The following CDH12 variants were observed in gnomAD, a reference collection of about 807,000 sequenced individuals.
The protein encoded by CDH12 is cadherin 12.
Under a neutral mutation model 74.1 loss-of-function variants are expected in CDH12, and 41 were observed. The ratio of observed to expected loss-of-function variants is 0.55; its 90% CI spans 0.43 to 0.72. The LOEUF (loss-of-function observed/expected upper bound fraction) is 0.72. CDH12 is among the 30% of genes least tolerant of loss of function. CDH12 has a pLI of 0.00. For missense variants in CDH12, 945 were observed against 977.2 expected (o/e 0.97, Z 0.44); for synonymous variants, 399 against 355.0 (o/e 1.12, Z -1.39).
intron 3 of CDH12, among the ~76,000 whole-genome samples, chr5:22,253,646 T>C (rs2150388983): frequency 6.6e-6 from 1 of 151,990 alleles, no homozygotes; most frequent in East Asian, 1.9e-4. Flanking sequence ...CAACATTCTC[T>C]TTCAATCTAG....
chr5:22,086,603 C>A (rs769170145), intron 4 of CDH12, among the ~76,000 whole-genome samples: 1 of 151,980 alleles, frequency 6.6e-6, no homozygotes, highest in Non-Finnish European at 1.5e-5. Context: ...GTGATCCACC[C>A]GCCTTGGCCT....
At chr5:21,909,550 C>A in intron 6 of CDH12, among the ~76,000 whole-genome samples, 1 of 152,122 alleles carries the variant, frequency 6.6e-6, no homozygotes, top group Non-Finnish European at 1.5e-5. Context: ...CTGGTTCTCA[C>A]AACTCCGAAT....
intron 1 of CDH12, among the ~76,000 whole-genome samples, chr5:22,650,239 G>C (rs1277259605): frequency 6.6e-6 from 1 of 151,942 alleles, no homozygotes; most frequent in East Asian, 1.9e-4. Flanking sequence ...AAATCTTTGG[G>C]AAGATGCACA....
At chr5:22,296,552 T>C (rs1737631204) in intron 3 of CDH12, among the ~76,000 whole-genome samples, 1 of 152,162 alleles carries the variant, frequency 6.6e-6, no homozygotes, top group South Asian at 2.1e-4. Context: ...TCTCCCATAA[T>C]TAAGATCTAA....
chr5:22,489,989 A>G (rs1580701272), intron 2 of CDH12, among the ~76,000 whole-genome samples: 2 of 152,254 alleles, frequency 1.3e-5, no homozygotes, highest in Non-Finnish European at 2.9e-5. Context: ...TGTCTTGGAA[A>G]TGTATGACAA....
chr5:22,850,306 C>T (rs905800964), intron 1 of CDH12, among the ~76,000 whole-genome samples: 2 of 151,956 alleles, frequency 1.3e-5, no homozygotes, highest in Admixed American at 1.3e-4. Flanking sequence ...ATATATTACC[C>T]TCCTAGCATA....
Position 22,000,482 on chromosome 5 carries a change from C to T in CDH12, c.232-25097G>A, listed in dbSNP as rs1364664325. Among the ~76,000 whole-genome samples, 3 of 152,092 alleles carry T rather than the reference C, an allele frequency of 2.0e-5. No homozygotes were observed. The East Asian group carries it at 5.8e-4, about 29-fold the overall frequency. The stretch of plus-strand genomic sequence containing the variant: ...CAGGAGGACTCAACTTTGGTGAACA[C>T]TTTATCTAGTTAATTCAACAAATAA... On this transcript the variant is annotated intron_variant, in intron 5 of 14. Transcript: ENST00000382254.
intron 1 of CDH12, among the ~76,000 whole-genome samples, chr5:22,815,467 T>A (rs1749341400): frequency 6.6e-6 from 1 of 151,794 alleles, no homozygotes; most frequent in Non-Finnish European, 1.5e-5. Context: ...AATGGAGAGA[T>A]CTATAGAAAT....
intron 10 of CDH12, 66 bp downstream of exon 10, chr5:21,802,101 C>T: frequency 6.9e-7 from 1 of 1,445,268 alleles, no homozygotes; most frequent in African/African-American, 1.4e-5. Context: ...AATTGGTTCT[C>T]TGGTTTTTGT....
chr5:22,145,977 T>C (rs1200731866), intron 4 of CDH12, among the ~76,000 whole-genome samples: 1 of 152,060 alleles, frequency 6.6e-6, no homozygotes, highest in Non-Finnish European at 1.5e-5. Flanking sequence ...TACAAAGCAA[T>C]GCATATCATT....
intron 4 of CDH12, among the ~76,000 whole-genome samples, chr5:22,112,134 T>C (rs1744850506): frequency 6.6e-6 from 1 of 152,066 alleles, no homozygotes; most frequent in Non-Finnish European, 1.5e-5. Context: ...TAAAAGTATA[T>C]AGCAAATCAA....
chr5:21,959,929 A>AAAT (rs1296839875), intron 6 of CDH12, among the ~76,000 whole-genome samples: 3 of 143,088 alleles, frequency 2.1e-5, no homozygotes, highest in Admixed American at 1.4e-4. Context: ...CATCTCAAAA[A>AAAT]AAAAAAAAAA....
chr5:22,270,369 G>T (rs960757043), intron 3 of CDH12, among the ~76,000 whole-genome samples: 2 of 152,034 alleles, frequency 1.3e-5, no homozygotes, highest in African/African-American at 4.8e-5. Context: ...GCTGAGGTGG[G>T]CGGATCATGA....
chr5:22,181,946 C>A (rs1356775971), intron 4 of CDH12, among the ~76,000 whole-genome samples: 1 of 152,156 alleles, frequency 6.6e-6, no homozygotes, highest in Non-Finnish European at 1.5e-5. Context: ...TCTTTATATC[C>A]CAGGCTATCT....
chr5:21,906,707 T>C (rs933203349), intron 6 of CDH12, among the ~76,000 whole-genome samples: 5 of 152,230 alleles, frequency 3.3e-5, no homozygotes, highest in South Asian at 2.1e-4. Flanking sequence ...AGTCTGTAGA[T>C]ACATCCAGCC....
At chr5:22,133,581 C>T (rs1036394836) in intron 4 of CDH12, among the ~76,000 whole-genome samples, 11 of 151,966 alleles carry the variant, frequency 7.2e-5, no homozygotes, top group Non-Finnish European at 1.0e-4. Context: ...AAATTTTTAC[C>T]AGTAAGTTCT....
rs556051551 is a variant in CDH12, at chr5:22,482,506, T to G, written c.-428+22764A>C. 5.9e-5 allele frequency among the ~76,000 whole-genome samples: 9 copies of G among 152,282 alleles called. 1 individual carries two copies. The highest frequency in any genetic ancestry group is 2.6e-4 in the Admixed American group (4 of 15,288). ...ACATTCTTGCTAGCAAATCAAATAT[T>G]TAAAACTTATCATGTATATAACTTT... On this transcript the variant is annotated intron_variant, in intron 2 of 14. Coordinates refer to ENST00000382254, the MANE Select transcript of CDH12 (RefSeq NM_004061.5).
chr5:22,770,630 AC>A (rs1430918789), intron 1 of CDH12, among the ~76,000 whole-genome samples: 5 of 152,144 alleles, frequency 3.3e-5, no homozygotes, highest in African/African-American at 1.2e-4. Flanking sequence ...CAAAACATAT[AC>A]CTATGAGGTG....
intron 3 of CDH12, among the ~76,000 whole-genome samples, chr5:22,224,285 G>A (rs1024620842): frequency 6.6e-6 from 1 of 152,008 alleles, no homozygotes; most frequent in Non-Finnish European, 1.5e-5. Flanking sequence ...GAGAATGGAA[G>A]TAGTACTTAA....
Sources: gnomAD v4.1 joint callset for allele counts (sites outside exome capture counted in the v4.1 genomes callset) on GRCh38, gnomAD v4.1.1 for gene constraint, MANE v1.5 for transcripts, NCBI Gene and HGNC (gene_info 2026-07-23, HGNC 2026-07-21) for gene names.